Variants in SPTBN1 observed in about 807,000 individuals in gnomAD.
SPTBN1 encodes the protein spectrin beta chain, non-erythrocytic 1.
Under a neutral mutation model 266.4 loss-of-function variants are expected in SPTBN1, and 32 were observed. The ratio of observed to expected loss-of-function variants is 0.12; its 90% CI spans 0.09 to 0.16. The LOEUF is 0.16. Ranked by LOEUF, SPTBN1 falls within the 10% of genes least tolerant of loss-of-function variation. SPTBN1 has a pLI of 1.00. For synonymous variants in SPTBN1, 1,336 were observed against 1,162.2 expected (o/e 1.15, Z -3.04); for missense variants, 2,296 against 3,067.1 (o/e 0.75, Z 5.94).
intron 1 of SPTBN1, among the ~76,000 whole-genome samples, chr2:54,508,172 C>A (rs1171660040): frequency 6.6e-6 from 1 of 152,064 alleles, no homozygotes; most frequent in Non-Finnish European, 1.5e-5. Context: ...AAGGCCGGTC[C>A]GTTATCGGAC....
rs1679897212 is a variant in SPTBN1, at chr2:54,645,903, A to T, written c.4495-25A>T. 2 of 1,612,466 alleles carry T rather than the reference A, an allele frequency of 1.2e-6. No homozygotes were observed. Among genetic ancestry groups the T allele is most frequent in the Middle Eastern group, 1.7e-4 (1 of 6,060 alleles). On this transcript the variant is annotated intron_variant, in intron 21 of 35. Transcript: ENST00000356805. The surrounding 1 kb of genome is among the most constrained non-coding windows in gnomAD (Gnocchi z 4.3). ...ATATTTGTTCCTCTGAGTGGATCTG[A>T]CCACTTATTTAAAATTCTTCCCAGT... is the stretch of plus-strand genomic sequence containing the variant.
At chr2:54,641,127 T>A (rs1383905162) in intron 18 of SPTBN1, among the ~76,000 whole-genome samples, 1 of 152,234 alleles carries the variant, frequency 6.6e-6, no homozygotes, top group Non-Finnish European at 1.5e-5. Context: ...AAATGACCTT[T>A]GTAAATGCCC....
At chr2:54,621,597 C>T in intron 8 of SPTBN1, 85 bp downstream of exon 8, 1 of 1,093,350 alleles carries the variant, frequency 9.1e-7, no homozygotes, top group Non-Finnish European at 1.4e-6. Context: ...TAAAATTTGC[C>T]AATAGCAATT....
At chr2:54,527,912 G>A (rs780234969) in intron 2 of SPTBN1, 6 of 152,228 alleles carry the variant, frequency 3.9e-5, no homozygotes, top group Non-Finnish European at 5.9e-5. Flanking sequence ...AAACAAGTTG[G>A]CTAGAAAGAT....
At chr2:54,606,262 C>A (rs1676833147) in intron 3 of SPTBN1, among the ~76,000 whole-genome samples, 2 of 152,178 alleles carry the variant, frequency 1.3e-5, no homozygotes, top group Non-Finnish European at 2.9e-5. Flanking sequence ...CCCATCTATT[C>A]ATTATTCTCT....
In SPTBN1 at chr2:54,561,453, C is replaced by T. The variant is rs576607741; in HGVS notation, c.148+34887C>T. Among the ~76,000 whole-genome samples, 9 of 152,206 alleles carry T rather than the reference C, an allele frequency of 5.9e-5. No homozygotes were observed. In the East Asian group the frequency reaches 1.5e-3, roughly 26 times the overall value. ...CAGTCCTGTACTGGGTTTAATGCCT[C>T]TGATATGAACTTATTTATGTATTGT... On this transcript the variant is annotated intron_variant, in intron 2 of 35. Coordinates refer to ENST00000356805, the MANE Select transcript of SPTBN1 (RefSeq NM_003128.3).
chr2:54,654,362 C>A (rs1011427746), intron 27 of SPTBN1, among the ~76,000 whole-genome samples: 2 of 152,124 alleles, frequency 1.3e-5, no homozygotes, highest in African/African-American at 4.8e-5. Flanking sequence ...TGTCCTATAT[C>A]TTTGGCTTTG....
chr2:54,469,997 G>A (rs1019224739), intron 1 of SPTBN1, among the ~76,000 whole-genome samples: 4 of 152,120 alleles, frequency 2.6e-5, no homozygotes, highest in Non-Finnish European at 4.4e-5. Context: ...GTAGGTTTTT[G>A]TCTGTTTGCT....
chr2:54,537,532 A>G (rs536758243), intron 2 of SPTBN1, among the ~76,000 whole-genome samples: 1 of 152,364 alleles, frequency 6.6e-6, no homozygotes, highest in Non-Finnish European at 1.5e-5. Flanking sequence ...TACTGTTGGC[A>G]TGCCTAATGC....
intron 1 of SPTBN1, among the ~76,000 whole-genome samples, chr2:54,472,319 G>A (rs1455962877): frequency 1.3e-5 from 2 of 152,176 alleles, no homozygotes; most frequent in South Asian, 2.1e-4. Context: ...GAGCCACTGC[G>A]CCCAGCCTGA....
chr2:54,483,295 C>T (rs1173580313), intron 1 of SPTBN1, among the ~76,000 whole-genome samples: 1 of 152,208 alleles, frequency 6.6e-6, no homozygotes, highest in Non-Finnish European at 1.5e-5. Flanking sequence ...GAGCACTGGG[C>T]ACCACGGGGT....
In SPTBN1 at chr2:54,540,447, G is replaced by T. The variant is rs1209031569; in HGVS notation, c.148+13881G>T. ...CTCACACGTCCTTTACTGTGGATTT[G>T]GCCCCTGCCTTCTTTTGTGCTCCAG... On this transcript the variant is annotated intron_variant, in intron 2 of 35. Coordinates refer to ENST00000356805, the MANE Select transcript of SPTBN1 (RefSeq NM_003128.3). The surrounding 1 kb of genome is among the most constrained non-coding windows in gnomAD (Gnocchi z 5.6). 6.6e-6 allele frequency among the ~76,000 whole-genome samples: 1 copy of T among 152,156 alleles called. No homozygotes were observed. Among genetic ancestry groups the T allele is most frequent in the African/African-American group, 2.4e-5 (1 of 41,438 alleles).
Position 54,618,324 on chromosome 2 carries a change from A to T in SPTBN1, c.763+131A>T, listed in dbSNP as rs187619956. 2.1e-4 allele frequency: 162 copies of T among 758,814 alleles called. No homozygotes were observed. In the African/African-American group the frequency reaches 2.5e-3, roughly 12 times the overall value. The allele number at this position is 758,814 out of a possible 1,614,324, so 47.0% of individuals were successfully genotyped here. On this transcript the variant is annotated intron_variant, in intron 7 of 35. Coordinates refer to ENST00000356805, the MANE Select transcript of SPTBN1 (RefSeq NM_003128.3). Reference sequence around the variant, plus strand: ...GGAAGAGCTTAATTTTGGTTATGGGAATTTTTTGAGGATTTATGGAAAGGA... The same window carrying T: ...GGAAGAGCTTAATTTTGGTTATGGGTATTTTTTGAGGATTTATGGAAAGGA...
At chr2:54,471,475 A>AT (rs34044536) in intron 1 of SPTBN1, among the ~76,000 whole-genome samples, 57,239 of 143,574 alleles carry the variant, frequency 0.4, 11,572 homozygotes, top group East Asian at 0.59. Context: ...TGGTGGTCTG[A>AT]TTTTTTTTTT....
Position 54,552,059 on chromosome 2 carries a change from C to T in SPTBN1, c.148+25493C>T, listed in dbSNP as rs185124951. Among the ~76,000 whole-genome samples the T allele has an allele frequency of 1.2e-4, 19 of 152,232 alleles. No homozygotes were observed. The East Asian group carries it at 3.5e-3, about 28-fold the overall frequency. On this transcript the variant is annotated intron_variant, in intron 2 of 35. Coordinates refer to ENST00000356805, the MANE Select transcript of SPTBN1 (RefSeq NM_003128.3). ...GGAAGGGAGGGGTATCAGTACATCC[C>T]AGAGGGAGGACTGGTCCTGCCACTG...
rs1348066301 is a variant in SPTBN1 at position 54,649,442 on chromosome 2, A to T, written c.5203-173A>T. ...CCTCACTCTGCTGCAGTGAGCAAGAAAGGAAACCCAGTTGCTAAGAGGTTC... is the reference window on the plus strand; with the variant it reads ...CCTCACTCTGCTGCAGTGAGCAAGATAGGAAACCCAGTTGCTAAGAGGTTC... On this transcript the variant is annotated intron_variant, in intron 25 of 35. Coordinates refer to ENST00000356805, the MANE Select transcript of SPTBN1 (RefSeq NM_003128.3). The surrounding 1 kb of genome is among the most constrained non-coding windows in gnomAD (Gnocchi z 6.7). The T allele has an allele frequency of 1.8e-5, 21 of 1,137,854 alleles. No homozygotes were observed. In the East Asian group the frequency reaches 5.5e-4, roughly 30 times the overall value. 70.5% of individuals were successfully genotyped at this position (1,137,854 alleles called of 1,614,324 possible). A position where few individuals can be genotyped will look rare whatever the true frequency, so the allele number is the denominator to read the frequency against.
intron 1 of SPTBN1, among the ~76,000 whole-genome samples, chr2:54,483,502 T>C (rs1249283024): frequency 6.6e-6 from 1 of 152,198 alleles, no homozygotes; most frequent in Non-Finnish European, 1.5e-5. Context: ...AACCCTCACG[T>C]GGAGAGGCTG....
chr2:54,636,240 CT>C (rs1420155910), intron 17 of SPTBN1, among the ~76,000 whole-genome samples: 2 of 152,018 alleles, frequency 1.3e-5, no homozygotes, highest in Non-Finnish European at 1.5e-5. Flanking sequence ...ATCCCTTTTC[CT>C]GATGCTATGG....
intron 3 of SPTBN1, among the ~76,000 whole-genome samples, chr2:54,611,958 G>C (rs187289183): frequency 3.7e-4 from 57 of 152,362 alleles, no homozygotes; most frequent in Non-Finnish European, 1.5e-5. Flanking sequence ...AGAGGAATCA[G>C]TTATCATCCC....
Sources: allele counts gnomAD v4.1 joint callset (sites outside exome capture counted in the v4.1 genomes callset), GRCh38; gene constraint gnomAD v4.1.1; non-coding constraint Gnocchi (gnomAD v3.1); transcripts MANE v1.5; gene names NCBI Gene and HGNC (gene_info 2026-07-23, HGNC 2026-07-21).